Variants in MED28 observed in about 807,000 individuals in gnomAD.
MED28 encodes the protein mediator of RNA polymerase II transcription subunit 28.
MED28 carries 26 observed loss-of-function variants against 21.3 expected under a neutral mutation model. That is an observed-to-expected ratio of 1.22 (90% CI 0.89 to 1.69). MED28 has a LOEUF of 1.69. Ranked by LOEUF, MED28 falls within the 40% of genes most tolerant of loss-of-function variation. The probability of loss-of-function intolerance (pLI) is 0.00; values close to 1 mark genes in which losing one functional copy is unlikely to be tolerated. For synonymous variants in MED28, 110 were observed against 87.6 expected (o/e 1.26, Z -1.43); for missense variants, 257 against 215.4 (o/e 1.19, Z -1.21).
chr4:17,633,963 A>C lies in MED28; in HGVS notation c.*10165A>C. On this transcript the variant is annotated 3_prime_UTR_variant, in exon 4 of 4. Transcript: ENST00000237380. ...TAAAGCATTATTGTAAAAGCAAATA[A>C]TGCTCACCCAATCAAAATTGTATCG... is the stretch of plus-strand genomic sequence containing the variant. The C allele has an allele frequency of 8.5e-7, 1 of 1,169,742 alleles. No individual in the cohort carries two copies. Among genetic ancestry groups the C allele is most frequent in the Non-Finnish European group, 1.1e-6 (1 of 886,192 alleles). The allele number at this position is 1,169,742 out of a possible 1,614,324, so 72.5% of individuals were successfully genotyped here. A position where few individuals can be genotyped will look rare whatever the true frequency, so the allele number is the denominator to read the frequency against.
At chr4:17,618,385 C>T (rs536944174) in intron 1 of MED28, among the ~76,000 whole-genome samples, 3 of 152,140 alleles carry the variant, frequency 2.0e-5, no homozygotes, top group Admixed American at 1.3e-4. Context: ...TGGTAGGCCT[C>T]CTGGCTCAGG....
At position 17,629,380 on chromosome 4, in the gene MED28, G is replaced by A. The variant is rs2108921567; in HGVS notation, c.*5582G>A. ...CCAGCCTCATCTGCAGAATCCAGAT[G>A]GATCCTGGAGAAAAATTAACCAAGT... is the stretch of plus-strand genomic sequence containing the variant. On this transcript the variant is annotated 3_prime_UTR_variant, in exon 4 of 4. Transcript: ENST00000237380. The A allele has an allele frequency of 1.3e-5, 2 of 152,294 alleles. No homozygotes were observed. Among genetic ancestry groups the A allele is most frequent in the South Asian group, 4.1e-4 (2 of 4,820 alleles). The allele number at this position is 152,294 out of a possible 1,614,324, so 9.4% of individuals were successfully genotyped here. A position where few individuals can be genotyped will look rare whatever the true frequency, so the allele number is the denominator to read the frequency against.
rs1714841214 is a variant in MED28 at position 17,628,742 on chromosome 4, C to T, written c.*4944C>T. 1.3e-5 allele frequency: 2 copies of T among 152,300 alleles called. No homozygotes were observed. The highest frequency in any genetic ancestry group is 2.1e-4 in the South Asian group (1 of 4,824). The allele number at this position is 152,300 out of a possible 1,614,324, so 9.4% of individuals were successfully genotyped here. A position where few individuals can be genotyped will look rare whatever the true frequency, so the allele number is the denominator to read the frequency against. On this transcript the variant is annotated 3_prime_UTR_variant, in exon 4 of 4. Coordinates refer to ENST00000237380, the MANE Select transcript of MED28 (RefSeq NM_025205.5). ...GTAGGATGAGGCTTGGGGACTGGCT[C>T]ACTCACTGCCCAACTGGTAGCAAAA...
At position 17,625,742 on chromosome 4, in the gene MED28, A is replaced by G. The variant is rs1714758877; in HGVS notation, c.*1944A>G. The stretch of plus-strand genomic sequence containing the variant: ...GAGAAAATCACAAGCCATCTTCTCA[A>G]GTTCCCCTAGAAACCTGTGGAATGC... On this transcript the variant is annotated 3_prime_UTR_variant, in exon 4 of 4. Coordinates refer to ENST00000237380, the MANE Select transcript of MED28 (RefSeq NM_025205.5). The G allele has an allele frequency of 2.3e-6, 1 of 432,284 alleles. No homozygotes were observed. Among genetic ancestry groups the G allele is most frequent in the South Asian group, 1.6e-5 (1 of 60,690 alleles). The allele number at this position is 432,284 out of a possible 1,614,324, so 26.8% of individuals were successfully genotyped here. A position where few individuals can be genotyped will look rare whatever the true frequency, so the allele number is the denominator to read the frequency against.
chr4:17,624,184 T>C lies in MED28; in HGVS notation c.*386T>C, dbSNP rs80313520. The C allele has an allele frequency of 0.014, 3,045 of 221,820 alleles. 27 individuals are homozygous for C. Among genetic ancestry groups the C allele is most frequent in the Middle Eastern group, 0.027 (13 of 488 alleles). The allele number at this position is 221,820 out of a possible 1,614,324, so 13.7% of individuals were successfully genotyped here. A position where few individuals can be genotyped will look rare whatever the true frequency, so the allele number is the denominator to read the frequency against. On this transcript the variant is annotated 3_prime_UTR_variant, in exon 4 of 4. Transcript: ENST00000237380. ...GTATAGTAGCCTGAGAATCAGGAGA[T>C]GGGAGTTTTAGTCGTAGGCCTTATG... is the stretch of plus-strand genomic sequence containing the variant.
rs1357084381 is a variant in MED28 at position 17,633,845 on chromosome 4, G to A, written c.*10047G>A. On this transcript the variant is annotated 3_prime_UTR_variant, in exon 4 of 4. Transcript: ENST00000237380. ...GTTCTTTGCATAGGAGGCGAGGTTC[G>A]GCACGCTGACCACGCGGCTGGGCAC... The A allele has an allele frequency of 1.7e-5, 26 of 1,551,210 alleles. No homozygotes were observed. Among genetic ancestry groups the A allele is most frequent in the Admixed American group, 3.9e-5 (2 of 50,936 alleles).
In MED28 at chr4:17,625,228, T is replaced by C. The variant is rs1714744314; in HGVS notation, c.*1430T>C. ...CTCACTAATTCTACACCCATGAGAA[T>C]TAGACATTATTCTCCTTAAATATAT... On this transcript the variant is annotated 3_prime_UTR_variant, in exon 4 of 4. Coordinates refer to ENST00000237380, the MANE Select transcript of MED28 (RefSeq NM_025205.5). 1 of 154,048 alleles carries C rather than the reference T, an allele frequency of 6.5e-6. No individual in the cohort carries two copies. Among genetic ancestry groups the C allele is most frequent in the African/African-American group, 2.4e-5 (1 of 41,460 alleles). The allele number at this position is 154,048 out of a possible 1,614,324, so 9.5% of individuals were successfully genotyped here.
chr4:17,625,108 C>A lies in MED28; in HGVS notation c.*1310C>A, dbSNP rs1294483559. On this transcript the variant is annotated 3_prime_UTR_variant, in exon 4 of 4. Coordinates refer to ENST00000237380, the MANE Select transcript of MED28 (RefSeq NM_025205.5). Reference sequence around the variant, plus strand: ...TCCCTGAAGCCTCCCAGCACCCATTCAGTTGCATCCCCAGGGCACAGGACT... The same window carrying A: ...TCCCTGAAGCCTCCCAGCACCCATTAAGTTGCATCCCCAGGGCACAGGACT... The A allele has an allele frequency of 1.3e-5, 2 of 152,388 alleles. No homozygotes were observed. The highest frequency in any genetic ancestry group is 2.9e-5 in the Non-Finnish European group (2 of 68,236). The allele number at this position is 152,388 out of a possible 1,614,324, so 9.4% of individuals were successfully genotyped here.
rs1410894997 is a variant in MED28 at position 17,628,280 on chromosome 4, G to GTGTGTGTGTGTGTGTGTGTA, written c.*4493_*4494insGTGTGTGTATGTGTGTGTGT. 12 of 151,348 alleles carry GTGTGTGTGTGTGTGTGTGTA rather than the reference G, an allele frequency of 7.9e-5. No individual in the cohort carries two copies. The highest frequency in any genetic ancestry group is 2.7e-4 in the African/African-American group (11 of 40,684). The allele number at this position is 151,348 out of a possible 1,614,324, so 9.4% of individuals were successfully genotyped here. A position where few individuals can be genotyped will look rare whatever the true frequency, so the allele number is the denominator to read the frequency against. On this transcript the variant is annotated 3_prime_UTR_variant, in exon 4 of 4. Transcript: ENST00000237380. ...CGTGTGTGTGTGTGTGTGTGTGTGT[G>GTGTGTGTGTGTGTGTGTGTA]TGTGTGTGTGTATGTGTATATGCGT...
At chr4:17,614,850 C>A (rs762118918) in intron 1 of MED28, 37 bp downstream of exon 1, 1 of 1,553,702 alleles carries the variant, frequency 6.4e-7, no homozygotes, top group East Asian at 2.3e-5. Flanking sequence ...CCCTAGCCTT[C>A]CCTTTTTTCT....
Position 17,619,086 on chromosome 4 carries a change from C to T in MED28, c.160-815C>T, listed in dbSNP as rs189984284. On this transcript the variant is annotated intron_variant, in intron 1 of 3. Transcript: ENST00000237380. ...TCTTTTCTAACTCCTTTTCCAACTG[C>T]CATGCTGTTCTCTTTCTGTGCCTCC... 2.8e-3 allele frequency among the ~76,000 whole-genome samples: 429 copies of T among 152,318 alleles called. 11 individuals carry two copies. The highest frequency in any genetic ancestry group is 0.027 in the Admixed American group (415 of 15,302).
rs534423645 is a variant in MED28 at position 17,622,841 on chromosome 4, CAAGAG to C, written c.340-753_340-749del. On this transcript the variant is annotated intron_variant, in intron 3 of 3. Transcript: ENST00000237380. ...AAGACACATCTCACATGGTGGCAGA[CAAGAG>C]AAGAGAGCTTGTGCAAGGAAACTCC... 5.4e-4 allele frequency among the ~76,000 whole-genome samples: 83 copies of C among 152,296 alleles called. 2 individuals carry two copies. The South Asian group carries it at 0.015, about 28-fold the overall frequency.
intron 1 of MED28, among the ~76,000 whole-genome samples, chr4:17,618,092 A>G (rs1384768072): frequency 6.9e-6 from 1 of 143,942 alleles, no homozygotes; most frequent in Non-Finnish European, 1.5e-5. Flanking sequence ...GGTCACTGCA[A>G]CCTCCACTTC....
In MED28 at chr4:17,632,844, TG is replaced by T; in HGVS notation, c.*9048del. ...GGAAAACAGAAGGTTCACCATTGTTTGGTTCTCCATTGTTCCTTTGAGACTT... is the reference window on the plus strand; with the variant it reads ...GGAAAACAGAAGGTTCACCATTGTTTGTTCTCCATTGTTCCTTTGAGACTT... On this transcript the variant is annotated 3_prime_UTR_variant, in exon 4 of 4. Transcript: ENST00000237380. 1 of 427,556 alleles carries T rather than the reference TG, an allele frequency of 2.3e-6. No individual in the cohort carries two copies. The allele number at this position is 427,556 out of a possible 1,614,324, so 26.5% of individuals were successfully genotyped here. A position where few individuals can be genotyped will look rare whatever the true frequency, so the allele number is the denominator to read the frequency against.
chr4:17,621,905 A>C (rs913983375), intron 3 of MED28, among the ~76,000 whole-genome samples: 2 of 152,246 alleles, frequency 1.3e-5, no homozygotes, highest in African/African-American at 2.4e-5. Flanking sequence ...AGAGTGTCAG[A>C]CGGAACAGCT....
chr4:17,617,614 G>T (rs762839071), intron 1 of MED28, among the ~76,000 whole-genome samples: 2 of 152,144 alleles, frequency 1.3e-5, no homozygotes, highest in Non-Finnish European at 1.5e-5. Flanking sequence ...TTAAAAAGCT[G>T]TTCTCTTTCT....
chr4:17,632,691 C>CCATCTTTT lies in MED28; in HGVS notation c.*8896_*8903dup. ...TATGCAAGAAGCAGCTTAATACCCACCATCTTTTCAGGGAAAGATAACTGC... is the reference window on the plus strand; with the variant it reads ...TATGCAAGAAGCAGCTTAATACCCACCATCTTTTCATCTTTTCAGGGAAAGATAACTGC... On this transcript the variant is annotated 3_prime_UTR_variant, in exon 4 of 4. Coordinates refer to ENST00000237380, the MANE Select transcript of MED28 (RefSeq NM_025205.5). 1 of 1,064,768 alleles carries CCATCTTTT rather than the reference C, an allele frequency of 9.4e-7. No individual in the cohort carries two copies. The highest frequency in any genetic ancestry group is 1.4e-6 in the Non-Finnish European group (1 of 722,842). 66.0% of individuals were successfully genotyped at this position (1,064,768 alleles called of 1,614,324 possible).
chr4:17,615,230 AAG>A (rs1482953985), intron 1 of MED28, among the ~76,000 whole-genome samples: 1 of 152,186 alleles, frequency 6.6e-6, no homozygotes, highest in African/African-American at 2.4e-5. Flanking sequence ...AGGGACTCTT[AAG>A]AGCGGAAATT....
rs1019253728 is a variant in MED28 at position 17,632,163 on chromosome 4, C to G, written c.*8365C>G. 2.1e-5 allele frequency: 3 copies of G among 146,226 alleles called. No individual in the cohort carries two copies. Among genetic ancestry groups the G allele is most frequent in the African/African-American group, 7.7e-5 (3 of 39,042 alleles). The allele number at this position is 146,226 out of a possible 1,614,324, so 9.1% of individuals were successfully genotyped here. On this transcript the variant is annotated 3_prime_UTR_variant, in exon 4 of 4. Coordinates refer to ENST00000237380, the MANE Select transcript of MED28 (RefSeq NM_025205.5). Reference sequence around the variant, plus strand: ...GAACTTGGCTCACTGCAACCTCTGCCTCCTAGGTTCAAGTGATCCTCCCGC... The same window carrying G: ...GAACTTGGCTCACTGCAACCTCTGCGTCCTAGGTTCAAGTGATCCTCCCGC...
Sources: allele counts gnomAD v4.1 joint callset (sites outside exome capture counted in the v4.1 genomes callset), GRCh38; gene constraint gnomAD v4.1.1; transcripts MANE v1.5; gene names NCBI Gene and HGNC (gene_info 2026-07-23, HGNC 2026-07-21).